MAGI3: variants seen among roughly 807,000 people sequenced by gnomAD.
The protein encoded by MAGI3 is membrane associated guanylate kinase, WW and PDZ domain containing 3, also known as membrane-associated guanylate kinase, WW and PDZ domain-containing protein 3.
In MAGI3, 43 loss-of-function variants were observed where a neutral mutation model predicts 121.8. The observed-to-expected ratio is 0.35, with a 90% CI of 0.28 to 0.46. MAGI3 has a LOEUF of 0.46. Ranked by LOEUF, MAGI3 falls within the 20% of genes least tolerant of loss-of-function variation. MAGI3 has a pLI of 1.00. For synonymous variants in MAGI3, 553 were observed against 639.3 expected (o/e 0.86, Z 2.04); for missense variants, 1,547 against 1,797.3 (o/e 0.86, Z 2.52).
intron 16 of MAGI3, 21 bp from the exon 17 acceptor site, chr1:113,671,713 A>G: frequency 1.2e-6 from 2 of 1,610,136 alleles, no homozygotes; most frequent in Non-Finnish European, 1.7e-6. Context: ...TCTTATTTCT[A>G]TTGTTTTCTC....
chr1:113,598,301 A>C (rs771904771), intron 6 of MAGI3, among the ~76,000 whole-genome samples: 14 of 151,784 alleles, frequency 9.2e-5, no homozygotes, highest in Non-Finnish European at 1.6e-4. Flanking sequence ...GTAACAATCA[A>C]CATGATGACT....
chr1:113,460,910 A>C (rs1655000919), intron 1 of MAGI3, among the ~76,000 whole-genome samples: 1 of 152,174 alleles, frequency 6.6e-6, no homozygotes, highest in Admixed American at 6.5e-5. Flanking sequence ...AATGTACAAA[A>C]ATTTACTAGC....
At chr1:113,440,257 T>A (rs911241259) in intron 1 of MAGI3, among the ~76,000 whole-genome samples, 10 of 152,176 alleles carry the variant, frequency 6.6e-5, no homozygotes, top group African/African-American at 2.4e-5. Context: ...AACAGGTAGT[T>A]GATCTTATCA....
chr1:113,393,593 A>C (rs1488279721), intron 1 of MAGI3, among the ~76,000 whole-genome samples: 1 of 152,222 alleles, frequency 6.6e-6, no homozygotes, highest in Non-Finnish European at 1.5e-5. Flanking sequence ...TTGTTATAAA[A>C]TAGCAAGATT....
chr1:113,608,063 G>A (rs1217029421), intron 6 of MAGI3, among the ~76,000 whole-genome samples: 1 of 152,122 alleles, frequency 6.6e-6, no homozygotes, highest in African/African-American at 2.4e-5. Context: ...GTCAGAAGTA[G>A]ACGTCCTCTC....
At chr1:113,434,468 AG>A (rs1643912659) in intron 1 of MAGI3, among the ~76,000 whole-genome samples, 2 of 152,180 alleles carry the variant, frequency 1.3e-5, no homozygotes, top group Non-Finnish European at 2.9e-5. Context: ...TTCAGTGCTT[AG>A]AACAACACCT....
At chr1:113,666,128 G>A (rs762562671) in intron 16 of MAGI3, among the ~76,000 whole-genome samples, 4 of 152,312 alleles carry the variant, frequency 2.6e-5, no homozygotes, top group Non-Finnish European at 4.4e-5. Context: ...GGAGGGTCTT[G>A]CCTCGATGTT....
At chr1:113,464,975 T>C (rs1655206501) in intron 1 of MAGI3, among the ~76,000 whole-genome samples, 2 of 152,176 alleles carry the variant, frequency 1.3e-5, no homozygotes, top group Admixed American at 6.6e-5. Flanking sequence ...GTTGTTTCCT[T>C]TGCTGTCCAG....
At chr1:113,597,127 T>C (rs978330499) in intron 6 of MAGI3, among the ~76,000 whole-genome samples, 2 of 152,232 alleles carry the variant, frequency 1.3e-5, no homozygotes, top group African/African-American at 4.8e-5. Flanking sequence ...TACAATGGAA[T>C]ACTATTGAGC....
chr1:113,598,199 G>A (rs1027758267), intron 6 of MAGI3, among the ~76,000 whole-genome samples: 4 of 151,848 alleles, frequency 2.6e-5, no homozygotes, highest in African/African-American at 7.2e-5. Flanking sequence ...GCAACAGAGC[G>A]AGACTCTGCC....
intron 3 of MAGI3, among the ~76,000 whole-genome samples, chr1:113,581,678 C>G (rs941660097): frequency 3.2e-4 from 48 of 152,098 alleles, no homozygotes; most frequent in Admixed American, 2.5e-3. Flanking sequence ...CCCATTGCTA[C>G]CATGCTAGTC....
intron 1 of MAGI3, among the ~76,000 whole-genome samples, chr1:113,395,158 T>C (rs1283773690): frequency 6.8e-6 from 1 of 146,266 alleles, no homozygotes; most frequent in Non-Finnish European, 1.5e-5. Context: ...GTTTAGGTGG[T>C]TGTATTATAT....
rs776940988 is a variant in MAGI3 at position 113,683,209 on chromosome 1, G to T, written c.3641G>T (p.Gly1214Val). Residue 1214 changes from glycine to valine, a missense_variant, in exon 21 of 21, where the codon GGT becomes GTT. Coordinates refer to ENST00000307546, the MANE Select transcript of MAGI3 (RefSeq NM_001142782.2). ...NKKNLLKVEN[G>V]VTRRGRSVSP... ...AAAAATCTATTAAAAGTAGAAAATG[G>T]TGTTACACGAAGAGGTAGATCGGTT... 4 of 1,613,796 alleles carry T rather than the reference G, an allele frequency of 2.5e-6. No individual in the cohort carries two copies. Among genetic ancestry groups the T allele is most frequent in the African/African-American group, 1.3e-5 (1 of 74,892 alleles).
chr1:113,402,388 C>T, intron 1 of MAGI3, among the ~76,000 whole-genome samples: 1 of 152,170 alleles, frequency 6.6e-6, no homozygotes, highest in East Asian at 1.9e-4. Flanking sequence ...AAGATTTACA[C>T]AGTCAAAATT....
intron 2 of MAGI3, among the ~76,000 whole-genome samples, chr1:113,551,503 A>C (rs564426984): frequency 6.6e-6 from 1 of 152,314 alleles, no homozygotes; most frequent in Admixed American, 6.5e-5. Context: ...TGTTTTTTTA[A>C]TCTGCCTCCT....
rs1653605383 is a variant in MAGI3, at chr1:113,658,586, G to A, written c.2630-494G>A. On this transcript the variant is annotated intron_variant, in intron 15 of 20. Transcript: ENST00000307546. The surrounding 1 kb of genome is among the most constrained non-coding windows in gnomAD (Gnocchi z 4.0). ...TGAATTTCTGACCAATAACTACCGA[G>A]TGCTAAACCTGAGTTTGACCTGCAT... Among the ~76,000 whole-genome samples the A allele has an allele frequency of 6.6e-6, 1 of 152,344 alleles. No homozygotes were observed. Among genetic ancestry groups the A allele is most frequent in the East Asian group, 1.9e-4 (1 of 5,192 alleles).
At chr1:113,659,016 T>G (rs962377650) in intron 15 of MAGI3, 64 bp from the exon 16 acceptor site, 17 of 1,295,562 alleles carry the variant, frequency 1.3e-5, no homozygotes, top group Non-Finnish European at 1.8e-5. Context: ...ATGACGTTGA[T>G]TATAAATCTA....
chr1:113,527,840 T>C (rs1411803230), intron 1 of MAGI3, among the ~76,000 whole-genome samples: 1 of 152,232 alleles, frequency 6.6e-6, no homozygotes, highest in Non-Finnish European at 1.5e-5. Context: ...GTTAATATTG[T>C]ATTTACTAAG....
In MAGI3 at chr1:113,390,859, G is replaced by A. The variant is rs1570901326; in HGVS notation, c.-175G>A. The A allele has an allele frequency of 3.2e-6, 1 of 310,138 alleles. No individual in the cohort carries two copies. The highest frequency in any genetic ancestry group is 5.2e-5 in the Admixed American group (1 of 19,066). 19.2% of individuals were successfully genotyped at this position (310,138 alleles called of 1,614,324 possible). A position where few individuals can be genotyped will look rare whatever the true frequency, so the allele number is the denominator to read the frequency against. On this transcript the variant is annotated 5_prime_UTR_variant, in exon 1 of 21. Transcript: ENST00000307546. ...GGGAGGGGCGTCCAAGGGGCGTCTC[G>A]CGTCTGGGAACGGCCGGGCCCCCAG...
Sources: allele counts gnomAD v4.1 joint callset (sites outside exome capture counted in the v4.1 genomes callset), GRCh38; gene constraint gnomAD v4.1.1; non-coding constraint Gnocchi (gnomAD v3.1); transcripts MANE v1.5; gene names NCBI Gene and HGNC (gene_info 2026-07-23, HGNC 2026-07-21).